RCL1: variants seen among roughly 807,000 people sequenced by gnomAD.
RCL1 encodes RNA 3'-terminal phosphate cyclase-like protein.
RCL1 carries 24 observed loss-of-function variants against 42.4 expected under a neutral mutation model. That is an observed-to-expected ratio of 0.57 (90% CI 0.41 to 0.80). The LOEUF (loss-of-function observed/expected upper bound fraction) is 0.80. Ranked by LOEUF, RCL1 falls within the 30% of genes least tolerant of loss-of-function variation. The pLI is 0.00. For synonymous variants in RCL1, 228 were observed against 177.3 expected, an observed-to-expected ratio of 1.29 and a Z score of -2.27; for missense variants, 578 against 467.9, an observed-to-expected ratio of 1.24 and a Z score of -2.17.
chr9:4,844,722 G>T, intron 7 of RCL1, 41 bp downstream of exon 7: 1 of 1,579,904 alleles, frequency 6.3e-7, no homozygotes, highest in Non-Finnish European at 8.6e-7. Flanking sequence ...TGACCAGGAA[G>T]CAGTTTGTTT....
chr9:4,819,673 G>A (rs1421885630), intron 1 of RCL1, among the ~76,000 whole-genome samples: 1 of 152,186 alleles, frequency 6.6e-6, no homozygotes, highest in African/African-American at 2.4e-5. Flanking sequence ...TGGGCGTGGT[G>A]GCACGCGCCT....
chr9:4,800,908 C>A (rs1275466207), intron 1 of RCL1, among the ~76,000 whole-genome samples: 2 of 152,130 alleles, frequency 1.3e-5, no homozygotes, highest in African/African-American at 4.8e-5. Flanking sequence ...CCTGGCTCGG[C>A]CTCCCAGAGT....
At chr9:4,827,139 A>G (rs778959986) in intron 3 of RCL1, 106 bp downstream of exon 3, 3 of 1,564,094 alleles carry the variant, frequency 1.9e-6, no homozygotes, top group East Asian at 4.8e-5. Context: ...TTACAAATGT[A>G]TATTGCTTTT....
rs1816775788 is a variant in RCL1 at position 4,826,721 on chromosome 9, G to T, written c.209-137G>T. On this transcript the variant is annotated intron_variant, in intron 2 of 8. Transcript: ENST00000381750. ...AGTCAGCTTTTGGAGCGAAGTGTGG[G>T]CTCTTAGCAAGATGGCATTTCGAGC... 1.9e-5 allele frequency: 14 copies of T among 717,952 alleles called. No individual in the cohort carries two copies. In the Admixed American group the frequency reaches 3.5e-4, roughly 18 times the overall value. The allele number at this position is 717,952 out of a possible 1,614,324, so 44.5% of individuals were successfully genotyped here.
At chr9:4,835,839 G>C (rs1817107340) in intron 5 of RCL1, among the ~76,000 whole-genome samples, 1 of 152,258 alleles carries the variant, frequency 6.6e-6, no homozygotes, top group Admixed American at 6.5e-5. Flanking sequence ...TAGTTGCACA[G>C]TAGGAGGCAC....
At chr9:4,833,324 C>G in intron 4 of RCL1, 96 bp downstream of exon 4, 1 of 885,026 alleles carries the variant, frequency 1.1e-6, no homozygotes, top group Non-Finnish European at 1.9e-6. Flanking sequence ...ATGTGTGTCA[C>G]ATTTGAAGTC....
intron 6 of RCL1, 58 bp downstream of exon 6, chr9:4,841,415 T>C: frequency 8.4e-6 from 12 of 1,431,622 alleles, no homozygotes; most frequent in South Asian, 6.1e-5. Context: ...CCTGTTCTAG[T>C]TGAAGTTAAA....
chr9:4,809,339 C>G lies in RCL1; in HGVS notation c.137-14209C>G, dbSNP rs920197246. 9.3e-5 allele frequency among the ~76,000 whole-genome samples: 14 copies of G among 150,910 alleles called. No individual in the cohort carries two copies. The South Asian group carries it at 2.1e-3, about 23-fold the overall frequency. On this transcript the variant is annotated intron_variant, in intron 1 of 8. Transcript: ENST00000381750. The stretch of plus-strand genomic sequence containing the variant: ...TTCTTGCTTTTTTTTTAAATGGAGT[C>G]TTGCTCTGTCGCCAGGCTGGAGTGC...
intron 7 of RCL1, among the ~76,000 whole-genome samples, chr9:4,847,444 A>C (rs546184533): frequency 2.6e-5 from 4 of 152,158 alleles, no homozygotes; most frequent in African/African-American, 9.6e-5. Context: ...CCCCTGTTCC[A>C]TTTATGCCTC....
At chr9:4,843,335 G>T (rs1817398183) in intron 6 of RCL1, among the ~76,000 whole-genome samples, 2 of 152,020 alleles carry the variant, frequency 1.3e-5, no homozygotes, top group African/African-American at 4.8e-5. Context: ...TGGCCAGAAT[G>T]CACATCAGTC....
At position 4,860,458 on chromosome 9, in the gene RCL1, C is replaced by A; in HGVS notation, c.*183C>A. The A allele has an allele frequency of 4.5e-6, 3 of 667,822 alleles. No homozygotes were observed. The highest frequency in any genetic ancestry group is 6.9e-6 in the Non-Finnish European group (3 of 431,748). The allele number at this position is 667,822 out of a possible 1,614,324, so 41.4% of individuals were successfully genotyped here. A position where few individuals can be genotyped will look rare whatever the true frequency, so the allele number is the denominator to read the frequency against. On this transcript the variant is annotated 3_prime_UTR_variant, in exon 9 of 9. Transcript: ENST00000381750. ...TAGCATATGGTTTCCAGCTGTTTCT[C>A]CAGTGGCATTGCCATTGCCCAGGAG...
At chr9:4,853,751 A>G (rs10758657) in intron 8 of RCL1, among the ~76,000 whole-genome samples, 29,148 of 152,062 alleles carry the variant, frequency 0.19, 3,279 homozygotes, top group East Asian at 0.54. Flanking sequence ...CTGTAAAATG[A>G]TCTCTTTCTA....
chr9:4,817,434 G>T (rs191775382), intron 1 of RCL1, among the ~76,000 whole-genome samples: 31 of 148,026 alleles, frequency 2.1e-4, no homozygotes, highest in Admixed American at 1.1e-3. Context: ...GATTTATGTT[G>T]TATGTTCTCA....
At chr9:4,815,831 G>C (rs1816355514) in intron 1 of RCL1, among the ~76,000 whole-genome samples, 1 of 152,118 alleles carries the variant, frequency 6.6e-6, no homozygotes, top group Non-Finnish European at 1.5e-5. Context: ...TCAGTGGTGA[G>C]GTCTGTAAGT....
intron 2 of RCL1, among the ~76,000 whole-genome samples, chr9:4,825,338 G>T (rs1233212100): frequency 1.3e-5 from 2 of 152,056 alleles, no homozygotes; most frequent in Non-Finnish European, 2.9e-5. Context: ...TGGCTAATTT[G>T]TATAAATAAA....
chr9:4,840,593 G>A (rs1008047453), intron 5 of RCL1, among the ~76,000 whole-genome samples: 1 of 152,200 alleles, frequency 6.6e-6, no homozygotes, highest in Admixed American at 6.5e-5. Context: ...CCATAAGGTA[G>A]CAGGTGTGAG....
At chr9:4,838,875 A>T (rs377472884) in intron 5 of RCL1, among the ~76,000 whole-genome samples, 8 of 152,248 alleles carry the variant, frequency 5.3e-5, no homozygotes, top group African/African-American at 1.9e-4. Context: ...TGGATAAGTA[A>T]TAAAGAAAAG....
intron 1 of RCL1, chr9:4,803,711 A>G (rs1843045388): frequency 6.6e-6 from 1 of 151,964 alleles, no homozygotes; most frequent in Non-Finnish European, 1.5e-5. Context: ...CTCACTGGGG[A>G]GGCAGTGTGA....
chr9:4,802,623 T>C (rs1843023144), intron 1 of RCL1, among the ~76,000 whole-genome samples: 1 of 150,930 alleles, frequency 6.6e-6, no homozygotes, highest in African/African-American at 2.5e-5. Flanking sequence ...TTACAAAATG[T>C]TCATTTTTTT....
Sources: allele counts gnomAD v4.1 joint callset (sites outside exome capture counted in the v4.1 genomes callset), GRCh38; gene constraint gnomAD v4.1.1; transcripts MANE v1.5; gene names NCBI Gene and HGNC (gene_info 2026-07-23, HGNC 2026-07-21).